Variants in TRPC6 observed in about 807,000 individuals in gnomAD.
TRPC6 encodes the protein short transient receptor potential channel 6.
TRPC6 carries 55 observed loss-of-function variants against 90.7 expected under a neutral mutation model. The ratio of observed to expected loss-of-function variants is 0.61; its 90% confidence interval spans 0.49 to 0.76. The LOEUF (loss-of-function observed/expected upper bound fraction) is 0.76. Ranked by LOEUF, TRPC6 falls within the 30% of genes least tolerant of loss-of-function variation. The pLI, the probability that TRPC6 is intolerant of heterozygous loss-of-function variation, is 0.00. For missense variants in TRPC6, 989 were observed against 1,122.7 expected, an observed-to-expected ratio of 0.88 and a Z score of 1.70; for synonymous variants, 393 against 393.0, an observed-to-expected ratio of 1.00 and a Z score of 0.00.
At chr11:101,526,685 AC>A (rs1473393800) in intron 1 of TRPC6, among the ~76,000 whole-genome samples, 1 of 151,478 alleles carries the variant, frequency 6.6e-6, no homozygotes, top group African/African-American at 2.4e-5. Context: ...ACACAGTGAA[AC>A]CCCGTCTCTA....
chr11:101,559,215 C>T (rs777087944), intron 1 of TRPC6, among the ~76,000 whole-genome samples: 7 of 151,574 alleles, frequency 4.6e-5, no homozygotes, highest in Admixed American at 6.6e-5. Context: ...AGACATTTCT[C>T]AAAAGAAGAC....
chr11:101,573,277 C>A (rs901170388), intron 1 of TRPC6, among the ~76,000 whole-genome samples: 1 of 152,082 alleles, frequency 6.6e-6, no homozygotes, highest in Non-Finnish European at 1.5e-5. Context: ...CTTTCCTCAT[C>A]GAACTGGTAT....
chr11:101,544,879 T>TAA (rs764707474), intron 1 of TRPC6, among the ~76,000 whole-genome samples: 4 of 151,722 alleles, frequency 2.6e-5, no homozygotes, highest in East Asian at 3.9e-4. Context: ...AAAGTATAAT[T>TAA]AAAAAAAATG....
intron 1 of TRPC6, among the ~76,000 whole-genome samples, chr11:101,572,686 G>A (rs1036227286): frequency 1.3e-5 from 2 of 152,054 alleles, no homozygotes; most frequent in Non-Finnish European, 2.9e-5. Flanking sequence ...CCATAAAAAA[G>A]GATGAGTTCA....
At chr11:101,540,362 AAAT>A (rs1362940219) in intron 1 of TRPC6, among the ~76,000 whole-genome samples, 1 of 152,244 alleles carries the variant, frequency 6.6e-6, no homozygotes, top group Non-Finnish European at 1.5e-5. Flanking sequence ...ACAGCAAATT[AAAT>A]AATCTTCTGA....
intron 2 of TRPC6, 144 bp from the exon 3 acceptor site, chr11:101,491,882 C>G: frequency 1.3e-6 from 1 of 790,496 alleles, no homozygotes; most frequent in Non-Finnish European, 1.8e-6. Flanking sequence ...GCTGTGTTGC[C>G]CAGGCTGGAG....
intron 6 of TRPC6, among the ~76,000 whole-genome samples, chr11:101,475,046 T>A (rs995782641): frequency 6.6e-6 from 1 of 152,204 alleles, no homozygotes; most frequent in Non-Finnish European, 1.5e-5. Context: ...GGAGGATATG[T>A]CTGCCTAATT....
chr11:101,537,973 T>C (rs1162589557), intron 1 of TRPC6, among the ~76,000 whole-genome samples: 2 of 152,218 alleles, frequency 1.3e-5, no homozygotes, highest in African/African-American at 4.8e-5. Context: ...TTTTCTTGGA[T>C]TGCAGTTCTT....
At chr11:101,575,123 A>G (rs924395533) in intron 1 of TRPC6, among the ~76,000 whole-genome samples, 9 of 152,166 alleles carry the variant, frequency 5.9e-5, no homozygotes, top group Admixed American at 2.6e-4. Flanking sequence ...TTGTGGTTAA[A>G]TCCCCAGTTT....
chr11:101,510,928 T>C (rs1439270587), intron 1 of TRPC6, among the ~76,000 whole-genome samples: 2 of 152,188 alleles, frequency 1.3e-5, no homozygotes. Flanking sequence ...TTTGACTTTG[T>C]GCTTTAAAAA....
At chr11:101,568,716 T>C (rs937612709) in intron 1 of TRPC6, among the ~76,000 whole-genome samples, 21 of 152,112 alleles carry the variant, frequency 1.4e-4, no homozygotes, top group African/African-American at 4.8e-4. Context: ...TATTCAACAT[T>C]CTTAAACAAA....
At position 101,470,367 on chromosome 11, in the gene TRPC6, CTT is replaced by C. The variant is rs542568331; in HGVS notation, c.2409+814_2409+815del. Among the ~76,000 whole-genome samples, 36 of 152,218 alleles carry C rather than the reference CTT, an allele frequency of 2.4e-4. No homozygotes were observed. In the South Asian group the frequency reaches 7.0e-3, roughly 30 times the overall value. On this transcript the variant is annotated intron_variant, in intron 9 of 12. Transcript: ENST00000344327. ...ATATTTTTAGTCACTTTCAATCTTC[CTT>C]TTTCAGAAGAAACAGCCAGCTCCTT...
intron 1 of TRPC6, among the ~76,000 whole-genome samples, chr11:101,574,545 T>C (rs1309507712): frequency 6.6e-6 from 1 of 151,160 alleles, no homozygotes; most frequent in Non-Finnish European, 1.5e-5. Context: ...AAATGTTTGT[T>C]GAAATAAATT....
At chr11:101,487,647 A>C (rs544079317) in intron 4 of TRPC6, among the ~76,000 whole-genome samples, 2 of 152,084 alleles carry the variant, frequency 1.3e-5, no homozygotes, top group Non-Finnish European at 2.9e-5. Flanking sequence ...AAAAAAAGTC[A>C]ATTTTCTAGA....
chr11:101,505,339 T>C (rs1285655902), intron 1 of TRPC6, among the ~76,000 whole-genome samples: 1 of 152,122 alleles, frequency 6.6e-6, no homozygotes, highest in Non-Finnish European at 1.5e-5. Context: ...AAGAGAGAGA[T>C]GGGCAATCAG....
In TRPC6 at chr11:101,453,831, AGT is replaced by A. The variant is rs57075099; in HGVS notation, c.2569-108_2569-107del. 4.8e-4 allele frequency: 501 copies of A among 1,034,508 alleles called. 4 individuals are homozygous for A. The African/African-American group carries it at 7.4e-3, about 15-fold the overall frequency. The allele number at this position is 1,034,508 out of a possible 1,614,324, so 64.1% of individuals were successfully genotyped here. ...TCCTCCCTGTAGTGAGCCCTTTGGA[AGT>A]GATGGCTGTCAAGGACTAAGATGAT... On this transcript the variant is annotated intron_variant, in intron 11 of 12. Coordinates refer to ENST00000344327, the MANE Select transcript of TRPC6 (RefSeq NM_004621.6).
chr11:101,534,999 T>A (rs1861004035), intron 1 of TRPC6, among the ~76,000 whole-genome samples: 1 of 151,768 alleles, frequency 6.6e-6, no homozygotes, highest in Non-Finnish European at 1.5e-5. Flanking sequence ...CTGTCTCTAT[T>A]AAAAATACAA....
intron 10 of TRPC6, among the ~76,000 whole-genome samples, chr11:101,460,418 T>C (rs1858978886): frequency 6.6e-6 from 1 of 152,224 alleles, no homozygotes; most frequent in Non-Finnish European, 1.5e-5. Flanking sequence ...TGATAAATAT[T>C]GTTATACTCT....
chr11:101,578,969 G>A (rs1378297552), intron 1 of TRPC6, among the ~76,000 whole-genome samples: 1 of 151,768 alleles, frequency 6.6e-6, no homozygotes, highest in Non-Finnish European at 1.5e-5. Context: ...ATGTTTAAAT[G>A]GGGTTTTTTT....
Sources: allele counts gnomAD v4.1 joint callset (sites outside exome capture counted in the v4.1 genomes callset), GRCh38; gene constraint gnomAD v4.1.1; transcripts MANE v1.5; gene names NCBI Gene and HGNC (gene_info 2026-07-23, HGNC 2026-07-21).